The following GC variants were observed in gnomAD, a reference collection of about 807,000 sequenced individuals.
GC encodes the protein vitamin D-binding protein.
In GC, 43 loss-of-function variants were observed where a neutral mutation model predicts 56.7. That is an observed-to-expected ratio of 0.76 (90% CI 0.59 to 0.98). GC has a LOEUF of 0.98. Among genes scored for constraint, GC ranks in the 50% least tolerant of loss-of-function variants. GC has a pLI of 0.00. For missense variants in GC, 529 were observed against 545.9 expected (o/e 0.97, Z 0.31); for synonymous variants, 216 against 202.7 (o/e 1.07, Z -0.56).
At chr4:71,757,913 T>G in intron 7 of GC, 129 bp downstream of exon 7, 1 of 658,918 alleles carries the variant, frequency 1.5e-6, no homozygotes, top group South Asian at 2.5e-5. Context: ...TTATTTATAT[T>G]TCATAGAATA....
rs1228021830 is a variant in GC, at chr4:71,741,837, A to G, written c.*59T>C. 2 of 703,022 alleles carry G rather than the reference A, an allele frequency of 2.8e-6. No homozygotes were observed. Among genetic ancestry groups the G allele is most frequent in the Admixed American group, 2.0e-5 (1 of 50,022 alleles). 43.5% of individuals were successfully genotyped at this position (703,022 alleles called of 1,614,324 possible). ...GTGGTTTTGCTTAGGTTAGGTCATC[A>G]GAGATCATTCCCCTGGGTGGCTCCA... On this transcript the variant is annotated 3_prime_UTR_variant, in exon 13 of 13. Transcript: ENST00000273951.
At chr4:71,793,599 A>C (rs937965051) in intron 1 of GC, among the ~76,000 whole-genome samples, 1 of 152,206 alleles carries the variant, frequency 6.6e-6, no homozygotes, top group Non-Finnish European at 1.5e-5. Context: ...TGTCATCTGC[A>C]AACAGGGACA....
intron 11 of GC, among the ~76,000 whole-genome samples, chr4:71,746,772 T>TAAAAAAAAAAAAAAAAAAAAAAAA (rs34865299): frequency 9.9e-6 from 1 of 100,658 alleles, no homozygotes; most frequent in African/African-American, 4.2e-5. Context: ...CTCTATTTTG[T>TAAAAAAAAAAAAAAAAAAAAAAAA]AAAAAAAAAA....
Position 71,758,112 on chromosome 4 carries a change from A to G in GC, c.761T>C (p.Leu254Pro), listed in dbSNP as rs182805109. The change falls in exon 7 of 13, where the codon CTA (leucine) becomes CCA (proline). Residue 254 changes from leucine to proline, a missense_variant. Coordinates refer to ENST00000273951, the MANE Select transcript of GC (RefSeq NM_000583.4). ...GAGGATGTTAGTAATATCTTCAGCT[A>G]GTGGCAAAACATCCTCCAGATCAGC... ...PTADLEDVLPLAEDITNILSK... is the reference protein window; with the variant it reads ...PTADLEDVLPPAEDITNILSK... 68 of 1,613,436 alleles carry G rather than the reference A, an allele frequency of 4.2e-5. No homozygotes were observed. The East Asian group carries it at 1.4e-3, about 34-fold the overall frequency.
chr4:71,746,029 C>A, intron 12 of GC, 122 bp downstream of exon 12: 1 of 580,622 alleles, frequency 1.7e-6, no homozygotes, highest in Non-Finnish European at 3.1e-6. Flanking sequence ...ATATTCTCAT[C>A]TGTAAAATGA....
intron 6 of GC, among the ~76,000 whole-genome samples, chr4:71,761,808 G>A (rs116534051): frequency 0.012 from 1,807 of 152,278 alleles, 11 homozygotes; most frequent in Non-Finnish European, 0.02. Flanking sequence ...TTGAGCCTGC[G>A]GATGCACAGA....
At chr4:71,784,105 T>C, upstream of GC, 20 of 1,534,536 alleles carry the variant, frequency 1.3e-5, no homozygotes, top group East Asian at 2.3e-5. Context: ...GTTTCCTTTT[T>C]ACAAAGATTC....
intron 1 of GC, among the ~76,000 whole-genome samples, chr4:71,780,934 A>G (rs532633285): frequency 3.9e-5 from 6 of 152,262 alleles, no homozygotes; most frequent in African/African-American, 1.4e-4. Context: ...ACACATGCAC[A>G]TGTATGTTTA....
intron 8 of GC, among the ~76,000 whole-genome samples, 158 bp from the exon 9 acceptor site, chr4:71,755,265 C>A (rs541934907): frequency 6.6e-6 from 1 of 151,744 alleles, no homozygotes; most frequent in African/African-American, 2.4e-5. Context: ...TGGGTTCAAG[C>A]GATTCTCATG....
intron 1 of GC, among the ~76,000 whole-genome samples, chr4:71,796,787 C>T (rs1424845097): frequency 6.6e-6 from 1 of 152,128 alleles, no homozygotes; most frequent in Non-Finnish European, 1.5e-5. Context: ...CTGGTTTCTC[C>T]CCATCTTTGT....
Position 71,765,368 on chromosome 4 carries a change from G to C in GC, c.473+64C>G, listed in dbSNP as rs971067319. 1.1e-5 allele frequency: 14 copies of C among 1,266,116 alleles called. No individual in the cohort carries two copies. In the Admixed American group the frequency reaches 2.4e-4, roughly 21 times the overall value. The allele number at this position is 1,266,116 out of a possible 1,614,324, so 78.4% of individuals were successfully genotyped here. A position where few individuals can be genotyped will look rare whatever the true frequency, so the allele number is the denominator to read the frequency against. On this transcript the variant is annotated intron_variant, in intron 4 of 12. Coordinates refer to ENST00000273951, the MANE Select transcript of GC (RefSeq NM_000583.4). The stretch of plus-strand genomic sequence containing the variant: ...AAGAGGTGTTTCCACAGAGTAGGGG[G>C]TTAGATTAGAGTCATTTCTGATACT...
chr4:71,743,454 A>G (rs764037187), intron 12 of GC, among the ~76,000 whole-genome samples: 2 of 152,230 alleles, frequency 1.3e-5, no homozygotes, highest in African/African-American at 4.8e-5. Context: ...TCTGAGGGAA[A>G]GTACTCAGCA....
In GC at chr4:71,755,028, G is replaced by T; in HGVS notation, c.1114C>A (p.Leu372Ile). The T allele has an allele frequency of 6.3e-7, 1 of 1,598,556 alleles. No individual in the cohort carries two copies. The highest frequency in any genetic ancestry group is 8.5e-7 in the Non-Finnish European group (1 of 1,171,880). The change falls in exon 9 of 13, where the codon CTT becomes ATT. Residue 372 changes from leucine (L) to isoleucine (I), a missense_variant. Leu to Ile is a conservative substitution (Grantham distance 5). Coordinates refer to ENST00000273951, the MANE Select transcript of GC (RefSeq NM_000583.4). ...TCTTCAACATCACAGCATTCACCAA[G>T]GCTTTTTAGGGTTGGCTCAAGTACC... is the stretch of plus-strand genomic sequence containing the variant. ...SKVLEPTLKS[L>I]GECCDVEDST...
chr4:71,742,954 A>C (rs950731778), intron 12 of GC, among the ~76,000 whole-genome samples: 3 of 152,142 alleles, frequency 2.0e-5, no homozygotes, highest in Non-Finnish European at 2.9e-5. Context: ...AGACTGGGCG[A>C]CAGAGTGAGA....
intron 1 of GC, among the ~76,000 whole-genome samples, chr4:71,774,111 A>C (rs1198631034): frequency 6.6e-6 from 1 of 152,044 alleles, no homozygotes; most frequent in East Asian, 1.9e-4. Flanking sequence ...TGAGTCAATG[A>C]AAAGAAATTC....
At chr4:71,792,114 T>C (rs187153568) in intron 1 of GC, among the ~76,000 whole-genome samples, 4 of 152,312 alleles carry the variant, frequency 2.6e-5, no homozygotes, top group South Asian at 2.1e-4. Context: ...TGAATAGTGC[T>C]GCAATAAACA....
chr4:71,799,700 G>T (rs1743203415), intron 1 of GC, among the ~76,000 whole-genome samples: 1 of 152,164 alleles, frequency 6.6e-6, no homozygotes, highest in Admixed American at 6.5e-5. Flanking sequence ...TACCTGGGAG[G>T]AGAAGCATAC....
intron 1 of GC, among the ~76,000 whole-genome samples, chr4:71,797,201 G>A (rs1324943878): frequency 6.6e-6 from 1 of 152,220 alleles, no homozygotes. Context: ...CATGCTGGGA[G>A]AACTACTACT....
In GC at chr4:71,763,432, TA is replaced by T; in HGVS notation, c.676del (p.Tyr226MetfsTer12). 6.3e-7 allele frequency: 1 copy of T among 1,598,282 alleles called. No homozygotes were observed. ...SNRVCSQYAA[Y>X]GEKKSRLSNL... The stretch of plus-strand genomic sequence containing the variant: ...CCTGAGCCTTGATTTCTTCTCCCCA[TA>T]AGCAGCATATTGTGAGCAGACTCTA... On this transcript the variant is annotated frameshift_variant, in exon 6 of 13. Coordinates refer to ENST00000273951, the MANE Select transcript of GC (RefSeq NM_000583.4). LOFTEE classifies it high-confidence loss of function.
Sources: allele counts gnomAD v4.1 joint callset (sites outside exome capture counted in the v4.1 genomes callset), GRCh38; gene constraint gnomAD v4.1.1; transcripts MANE v1.5; gene names NCBI Gene and HGNC (gene_info 2026-07-23, HGNC 2026-07-21).